Variants in PLA2G5 observed in about 807,000 individuals in gnomAD.
PLA2G5 encodes the protein phospholipase A2 group V, also known as Ca2+-dependent phospholipase A2.
In PLA2G5, 12 loss-of-function variants were observed where a neutral mutation model predicts 15.9. The ratio of observed to expected loss-of-function variants is 0.76; its 90% confidence interval spans 0.48 to 1.23. The LOEUF is 1.23. PLA2G5 is among the 50% of genes most tolerant of loss of function. The pLI is 0.00. For missense variants in PLA2G5, 169 were observed against 177.1 expected (o/e 0.95, Z 0.26); for synonymous variants, 71 against 71.4 (o/e 0.99, Z 0.03).
upstream of PLA2G5, among the ~76,000 whole-genome samples, chr1:20,067,298 C>G (rs973347549): frequency 1.3e-5 from 2 of 152,082 alleles, no homozygotes; most frequent in African/African-American, 4.8e-5. Flanking sequence ...TCTCATCCAG[C>G]AAGACCCTAT....
At position 20,091,769 on chromosome 1, in the gene PLA2G5, G is replaced by A. The variant is rs1177255755; in HGVS notation, c.*1077G>A. 6.6e-6 allele frequency among the ~76,000 whole-genome samples: 1 copy of A among 152,024 alleles called. No individual in the cohort carries two copies. The highest frequency in any genetic ancestry group is 1.9e-4 in the East Asian group (1 of 5,202). On this transcript the variant is annotated 3_prime_UTR_variant, in exon 5 of 5. Transcript: ENST00000375108. ...AAGAAAGGATGTATTCCAAAACAAA[G>A]GAACATCCTTCCAAGAAAGGACCTA...
At chr1:20,050,499 G>T (rs1222936668) in intron 1 of PLA2G5, among the ~76,000 whole-genome samples, 1 of 152,150 alleles carries the variant, frequency 6.6e-6, no homozygotes, top group Non-Finnish European at 1.5e-5. Context: ...ACCAGCATAT[G>T]GGACCCTGTG....
At chr1:20,072,871 AACAGACAG>A (rs1204968756) in intron 1 of PLA2G5, among the ~76,000 whole-genome samples, 82 of 152,328 alleles carry the variant, frequency 5.4e-4, no homozygotes, top group South Asian at 6.2e-4. Flanking sequence ...CCCCTGTCTT[AACAGACAG>A]ACACTGGGTT....
Position 20,090,796 on chromosome 1 carries a change from ACCT to A in PLA2G5, c.*106_*108del. 8.0e-7 allele frequency: 1 copy of A among 1,242,810 alleles called. No homozygotes were observed. The highest frequency in any genetic ancestry group is 1.2e-6 in the Non-Finnish European group (1 of 859,502). 77.0% of individuals were successfully genotyped at this position (1,242,810 alleles called of 1,614,324 possible). ...CCTGAGAGAGGCTCCTAAGTCACAG[ACCT>A]CAGTCTTTCTCGAAGCTTGGCGGAC... On this transcript the variant is annotated 3_prime_UTR_variant, in exon 5 of 5. Transcript: ENST00000375108.
chr1:20,053,039 T>C (rs1026094679), intron 1 of PLA2G5, among the ~76,000 whole-genome samples: 1 of 152,126 alleles, frequency 6.6e-6, no homozygotes, highest in African/African-American at 2.4e-5. Context: ...ATGTCTTATG[T>C]CTCCCTAAAA....
In PLA2G5 at chr1:20,038,710, T is replaced by G. The variant is rs183071332; in HGVS notation, n.276+10001T>G. Among the ~76,000 whole-genome samples the G allele has an allele frequency of 1.9e-3, 282 of 152,226 alleles. 5 individuals carry two copies. The highest frequency in any genetic ancestry group is 1.5e-3 in the Non-Finnish European group (101 of 68,008). On this transcript the variant is annotated intron_variant and non_coding_transcript_variant, in intron 1 of 6. Transcript: ENST00000460175. ...AGGAGGATCACTTGTGCCCAGGAGT[T>G]TGAAGTTGCAGTAGACTATGATTGG...
At chr1:20,069,155 A>G (rs772516013), upstream of PLA2G5, 8 of 414,360 alleles carry the variant, frequency 1.9e-5, no homozygotes, top group East Asian at 7.1e-5. Flanking sequence ...AGTGCTGGCT[A>G]TGGTGCCGCT....
At chr1:20,084,215 T>C (rs1174006803) in intron 1 of PLA2G5, among the ~76,000 whole-genome samples, 1 of 152,122 alleles carries the variant, frequency 6.6e-6, no homozygotes, top group Admixed American at 6.5e-5. Context: ...GCACCTCCTC[T>C]GGGCCAGGCA....
At chr1:20,065,124 T>C (rs1364577458) in intron 2 of PLA2G5, among the ~76,000 whole-genome samples, 1 of 152,210 alleles carries the variant, frequency 6.6e-6, no homozygotes, top group South Asian at 2.1e-4. Context: ...TAGTAGATGG[T>C]TCTTTTTAGA....
chr1:20,056,170 C>T (rs1237968675), intron 1 of PLA2G5, among the ~76,000 whole-genome samples: 4 of 152,124 alleles, frequency 2.6e-5, no homozygotes, highest in Admixed American at 2.6e-4. Flanking sequence ...ATGTTTCCCA[C>T]ATACCCCTTC....
chr1:20,070,149 A>G, upstream of PLA2G5: 1 of 968,364 alleles, frequency 1.0e-6, no homozygotes, highest in Non-Finnish European at 1.2e-6. Context: ...CAGGACAGCC[A>G]GCCACAGGCC....
At position 20,086,089 on chromosome 1, in the gene PLA2G5, C is replaced by G; in HGVS notation, c.47C>G (p.Pro16Arg). 2 of 1,614,054 alleles carry G rather than the reference C, an allele frequency of 1.2e-6. No individual in the cohort carries two copies. Among genetic ancestry groups the G allele is most frequent in the Non-Finnish European group, 1.7e-6 (2 of 1,179,988 alleles). The change falls in exon 3 of 5, where the codon CCT (proline) becomes CGT (arginine). Residue 16 changes from proline to arginine, a missense_variant. Physicochemically the swap from Pro to Arg is moderately radical, Grantham distance 103. Coordinates refer to ENST00000375108, the MANE Select transcript of PLA2G5 (RefSeq NM_000929.3). The part of the protein sequence containing the change: ...PLAWFLACSV[P>R]AVQGGLLDLK... ...GACATGGGCTATCTTCCAGGTGTGC[C>G]TGCTGTGCAAGGAGGCTTGCTGGAC...
intron 1 of PLA2G5, among the ~76,000 whole-genome samples, chr1:20,031,264 G>A (rs1382268578): frequency 6.6e-6 from 1 of 152,202 alleles, no homozygotes; most frequent in Non-Finnish European, 1.5e-5. Context: ...GTGAACAGCT[G>A]GATTTGTGTG....
intron 3 of PLA2G5, among the ~76,000 whole-genome samples, chr1:20,086,505 G>A (rs563153317): frequency 2.6e-5 from 4 of 152,288 alleles, no homozygotes; most frequent in African/African-American, 7.2e-5. Flanking sequence ...GGCTTGTGGG[G>A]ATGGCTTGTC....
Position 20,031,841 on chromosome 1 carries a change from C to G in PLA2G5, n.276+3132C>G, listed in dbSNP as rs144850599. ...AGGAGGAGAAGTCTGTGATCCAGAC[C>G]CAGTCCACTTGTTGTAGGGACAGGG... is the stretch of plus-strand genomic sequence containing the variant. On this transcript the variant is annotated intron_variant and non_coding_transcript_variant, in intron 1 of 6. Coordinates refer to the PLA2G5 transcript ENST00000460175. 5.9e-5 allele frequency among the ~76,000 whole-genome samples: 9 copies of G among 152,148 alleles called. No individual in the cohort carries two copies. In the East Asian group the frequency reaches 1.4e-3, roughly 23 times the overall value.
chr1:20,066,569 A>G (rs2015042408), upstream of PLA2G5, among the ~76,000 whole-genome samples: 2 of 152,260 alleles, frequency 1.3e-5, no homozygotes, highest in South Asian at 4.1e-4. Context: ...AAACCATTTT[A>G]TAGCACACGA....
At chr1:20,029,964 T>G (rs879428774) in intron 1 of PLA2G5, among the ~76,000 whole-genome samples, 1 of 152,040 alleles carries the variant, frequency 6.6e-6, no homozygotes, top group Non-Finnish European at 1.5e-5. Context: ...CATGAGAAGG[T>G]GGGGGTTGAA....
chr1:20,037,459 G>C (rs1490879480), intron 1 of PLA2G5, among the ~76,000 whole-genome samples: 1 of 152,210 alleles, frequency 6.6e-6, no homozygotes, highest in Non-Finnish European at 1.5e-5. Flanking sequence ...AGTGGAGATA[G>C]CAAGGAAGTG....
intron 1 of PLA2G5, among the ~76,000 whole-genome samples, chr1:20,076,023 C>T (rs1299726507): frequency 2.6e-5 from 4 of 152,032 alleles, no homozygotes; most frequent in African/African-American, 9.7e-5. Context: ...AGGCACTCGC[C>T]ACCACACCCA....
Sources: gnomAD v4.1 joint callset for allele counts (sites outside exome capture counted in the v4.1 genomes callset) on GRCh38, gnomAD v4.1.1 for gene constraint, MANE v1.5 for transcripts, NCBI Gene and HGNC (gene_info 2026-07-23, HGNC 2026-07-21) for gene names.